Variants in FRMD4A observed in about 807,000 individuals in gnomAD.
FRMD4A encodes the protein FERM domain containing 4A.
Under a neutral mutation model 129.1 loss-of-function variants are expected in FRMD4A, and 29 were observed. The observed-to-expected ratio is 0.22, with a 90% CI of 0.17 to 0.31. FRMD4A has a LOEUF of 0.31. Among genes scored for constraint, FRMD4A ranks in the 10% least tolerant of loss-of-function variants. The pLI, the probability that FRMD4A is intolerant of heterozygous loss-of-function variation, is 1.00. For missense variants in FRMD4A, 1,272 were observed against 1,375.8 expected (o/e 0.92, Z 1.19); for synonymous variants, 634 against 571.6 (o/e 1.11, Z -1.56).
At chr10:14,287,931 A>C (rs1315980106) in intron 2 of FRMD4A, among the ~76,000 whole-genome samples, 2 of 152,148 alleles carry the variant, frequency 1.3e-5, no homozygotes, top group Non-Finnish European at 2.9e-5. Flanking sequence ...CAAAAATCTC[A>C]AAGTGGCTTA....
intron 2 of FRMD4A, among the ~76,000 whole-genome samples, chr10:14,159,985 G>T (rs1404355813): frequency 1.3e-5 from 2 of 152,182 alleles, no homozygotes; most frequent in African/African-American, 2.4e-5. Context: ...GGGAGGCAGA[G>T]GTCACAGTGA....
intron 2 of FRMD4A, among the ~76,000 whole-genome samples, chr10:14,303,009 G>A (rs1222086287): frequency 6.6e-6 from 1 of 152,166 alleles, no homozygotes; most frequent in Non-Finnish European, 1.5e-5. Context: ...TCTCAGGCAG[G>A]AATCCTATTC....
At chr10:14,301,886 A>T (rs1341489277) in intron 2 of FRMD4A, among the ~76,000 whole-genome samples, 1 of 152,104 alleles carries the variant, frequency 6.6e-6, no homozygotes, top group Admixed American at 6.6e-5. Context: ...ATAACCCTGG[A>T]TGGTTGGGTG....
intron 12 of FRMD4A, among the ~76,000 whole-genome samples, chr10:13,712,724 T>C (rs1186700350): frequency 1.3e-5 from 2 of 152,192 alleles, no homozygotes; most frequent in Non-Finnish European, 2.9e-5. Context: ...CACTTCCCTG[T>C]TCTGGGCCTC....
chr10:14,001,449 A>G (rs2131620028), intron 2 of FRMD4A, among the ~76,000 whole-genome samples: 1 of 152,334 alleles, frequency 6.6e-6, no homozygotes, highest in African/African-American at 2.4e-5. Context: ...CCATTTGCAT[A>G]GATATTTGCA....
At chr10:14,227,083 G>A (rs1330541577) in intron 2 of FRMD4A, among the ~76,000 whole-genome samples, 3 of 152,004 alleles carry the variant, frequency 2.0e-5, no homozygotes, top group Non-Finnish European at 2.9e-5. Context: ...ATGCCCGCAA[G>A]ATGGATCTAC....
chr10:13,957,956 C>A (rs961551956), intron 2 of FRMD4A, among the ~76,000 whole-genome samples: 1 of 152,088 alleles, frequency 6.6e-6, no homozygotes, highest in Non-Finnish European at 1.5e-5. Context: ...CCTCCCCTCT[C>A]TAAGAGCCTA....
At chr10:13,973,271 G>T (rs1204797398) in intron 2 of FRMD4A, among the ~76,000 whole-genome samples, 1 of 152,172 alleles carries the variant, frequency 6.6e-6, no homozygotes, top group Admixed American at 6.5e-5. Context: ...ATAAAAATTT[G>T]TGGTTCTCTA....
At chr10:14,294,544 C>A (rs998713501) in intron 2 of FRMD4A, among the ~76,000 whole-genome samples, 2 of 152,130 alleles carry the variant, frequency 1.3e-5, no homozygotes, top group Non-Finnish European at 1.5e-5. Flanking sequence ...TGTAAACTGG[C>A]CCCCGATTCA....
intron 2 of FRMD4A, among the ~76,000 whole-genome samples, chr10:14,119,066 A>G (rs527657450): frequency 1.2e-4 from 18 of 152,282 alleles, no homozygotes; most frequent in African/African-American, 3.9e-4. Context: ...CCAACTGAGC[A>G]TGCAGATCAA....
chr10:14,167,741 A>G (rs1841264166), intron 2 of FRMD4A, among the ~76,000 whole-genome samples: 1 of 152,028 alleles, frequency 6.6e-6, no homozygotes, highest in Admixed American at 6.6e-5. Context: ...AGGATGTGGC[A>G]TCCATGCTGC....
chr10:14,256,240 A>G (rs1844609981), intron 2 of FRMD4A, among the ~76,000 whole-genome samples: 2 of 152,238 alleles, frequency 1.3e-5, no homozygotes, highest in South Asian at 4.1e-4. Context: ...TATGTAATAG[A>G]AACCCAGATG....
chr10:13,916,016 A>G (rs529012836), intron 2 of FRMD4A, among the ~76,000 whole-genome samples: 2 of 152,222 alleles, frequency 1.3e-5, no homozygotes, highest in Non-Finnish European at 2.9e-5. Flanking sequence ...GTCTGAATTC[A>G]CCACTGCTGA....
chr10:14,089,834 C>T (rs1017987016), intron 2 of FRMD4A, among the ~76,000 whole-genome samples: 2 of 152,114 alleles, frequency 1.3e-5, no homozygotes, highest in African/African-American at 4.8e-5. Flanking sequence ...GTTTCCAAAC[C>T]GTGTTTTGTT....
intron 6 of FRMD4A, among the ~76,000 whole-genome samples, chr10:13,768,427 G>C (rs72769570): frequency 6.6e-6 from 1 of 152,096 alleles, no homozygotes; most frequent in Non-Finnish European, 1.5e-5. Flanking sequence ...ACCATGGTCC[G>C]GAACTGCAGG....
At chr10:13,662,201 T>C (rs1212950337) in intron 19 of FRMD4A, among the ~76,000 whole-genome samples, 1 of 152,192 alleles carries the variant, frequency 6.6e-6, no homozygotes, top group African/African-American at 2.4e-5. Context: ...TCTCTGATGC[T>C]CAAGCCCCCC....
At chr10:13,777,710 G>T (rs2092629260) in intron 6 of FRMD4A, among the ~76,000 whole-genome samples, 1 of 151,746 alleles carries the variant, frequency 6.6e-6, no homozygotes, top group Non-Finnish European at 1.5e-5. Context: ...TTCAGTGCCA[G>T]CTCAGCATTT....
intron 2 of FRMD4A, among the ~76,000 whole-genome samples, chr10:14,283,144 T>G (rs976797982): frequency 6.6e-6 from 1 of 152,360 alleles, no homozygotes. Context: ...AACAACAGTG[T>G]CAACAGAAAA....
At chr10:13,843,330 A>C (rs545459946) in intron 3 of FRMD4A, among the ~76,000 whole-genome samples, 47 of 152,334 alleles carry the variant, frequency 3.1e-4, no homozygotes, top group African/African-American at 1.1e-3. Flanking sequence ...GATTTCAATC[A>C]GTCACCTTGA....
Sources: gnomAD v4.1 joint callset for allele counts (sites outside exome capture counted in the v4.1 genomes callset) on GRCh38, gnomAD v4.1.1 for gene constraint, MANE v1.5 for transcripts, NCBI Gene and HGNC (gene_info 2026-07-23, HGNC 2026-07-21) for gene names.